The following TGFBR3L variants were observed in gnomAD, a reference collection of about 807,000 sequenced individuals.
TGFBR3L encodes the protein transforming growth factor beta receptor 3 like.
In TGFBR3L, 21 loss-of-function variants were observed where a neutral mutation model predicts 20.4. That is an observed-to-expected ratio of 1.03 (90% CI 0.73 to 1.48). The LOEUF is 1.48. Among genes scored for constraint, TGFBR3L ranks in the 40% most tolerant of loss-of-function variants. TGFBR3L has a pLI of 0.00. For synonymous variants in TGFBR3L, 245 were observed against 244.2 expected, an observed-to-expected ratio of 1.00 and a Z score of -0.03; for missense variants, 479 against 498.0, an observed-to-expected ratio of 0.96 and a Z score of 0.36.
rs1983258103 is a variant in TGFBR3L, at chr19:7,915,848, A to G, written c.-420A>G. ...CAGACATCAGCGTGTGTTTAGGGGCACGAAGAGGGGAGGGGTCCCATGGCT... is the reference window on the plus strand; with the variant it reads ...CAGACATCAGCGTGTGTTTAGGGGCGCGAAGAGGGGAGGGGTCCCATGGCT... On this transcript the variant is annotated 5_prime_UTR_variant, in exon 1 of 6. Transcript: ENST00000565886. Among the ~76,000 whole-genome samples, 1 of 152,196 alleles carries G rather than the reference A, an allele frequency of 6.6e-6. No individual in the cohort carries two copies. Among genetic ancestry groups the G allele is most frequent in the South Asian group, 2.1e-4 (1 of 4,828 alleles).
Position 7,916,345 on chromosome 19 carries a change from C to G in TGFBR3L, c.78C>G (p.Pro26=). The G allele has an allele frequency of 6.5e-7, 1 of 1,535,664 alleles. No individual in the cohort carries two copies. The highest frequency in any genetic ancestry group is 8.7e-7 in the Non-Finnish European group (1 of 1,146,772). ...GGCGAGGTGGTCGGGTCACTTTTCCCGGAGGCCTAAAGGGCAGCGCGCGTT... is the reference window on the plus strand; with the variant it reads ...GGCGAGGTGGTCGGGTCACTTTTCCGGGAGGCCTAAAGGGCAGCGCGCGTT... The change falls in exon 1 of 6, where the codon CCC becomes CCG. Residue 26 remains proline (P), a synonymous_variant. Transcript: ENST00000565886.
chr19:7,917,786 G>T lies in TGFBR3L; in HGVS notation c.810G>T (p.Val270=). 3.5e-6 allele frequency: 5 copies of T among 1,440,110 alleles called. No individual in the cohort carries two copies. Among genetic ancestry groups the T allele is most frequent in the Middle Eastern group, 4.9e-4 (2 of 4,098 alleles). The allele number at this position is 1,440,110 out of a possible 1,614,324, so 89.2% of individuals were successfully genotyped here. A position where few individuals can be genotyped will look rare whatever the true frequency, so the allele number is the denominator to read the frequency against. Residue 270 remains valine, a synonymous_variant, in exon 4 of 6, where the codon GTG becomes GTT. Coordinates refer to ENST00000565886, the MANE Select transcript of TGFBR3L (RefSeq NM_001195259.2). ...CGGCCCTGGAACCCGCGCCGGTGGT[G>T]GCGCTGGTGTTGGCAGCCTTCGTGC... is the stretch of plus-strand genomic sequence containing the variant.
intron 2 of TGFBR3L, 109 bp downstream of exon 3, chr19:7,917,051 G>A: frequency 8.3e-7 from 1 of 1,199,916 alleles, no homozygotes; most frequent in South Asian, 3.3e-5. Flanking sequence ...GGATCTGGGG[G>A]TTGGGGGAGG....
At position 7,916,043 on chromosome 19, in the gene TGFBR3L, G is replaced by A. The variant is rs1983268731; in HGVS notation, c.-225G>A. The A allele has an allele frequency of 3.8e-6, 3 of 783,074 alleles. No individual in the cohort carries two copies. The highest frequency in any genetic ancestry group is 6.1e-5 in the Admixed American group (2 of 32,578). The allele number at this position is 783,074 out of a possible 1,614,324, so 48.5% of individuals were successfully genotyped here. ...GCCGCCTGTCCTGCTGCGTCCCCAA[G>A]AGCAGCCCTGGGGAAGGTGGGGGAG... On this transcript the variant is annotated 5_prime_UTR_variant, in exon 1 of 6. Transcript: ENST00000565886.
rs1323392054 is a variant in TGFBR3L at position 7,915,685 on chromosome 19, C to T, written c.-583C>T. Among the ~76,000 whole-genome samples the T allele has an allele frequency of 6.6e-6, 1 of 152,156 alleles. No homozygotes were observed. The highest frequency in any genetic ancestry group is 2.1e-4 in the South Asian group (1 of 4,828). ...CCCAGGAGGTGGAGGCTGCAGTGAG[C>T]TGTATTCGCACCACTGCACTCCAGC... On this transcript the variant is annotated 5_prime_UTR_variant, in exon 1 of 6. Coordinates refer to ENST00000565886, the MANE Select transcript of TGFBR3L (RefSeq NM_001195259.2).
rs533888067 is a variant in TGFBR3L at position 7,916,933 on chromosome 19, G to A, written c.588G>A (p.Pro196=). The change falls in exon 2 of 6, where the codon CCG becomes CCA. Residue 196 remains proline, a synonymous_variant. Coordinates refer to ENST00000565886, the MANE Select transcript of TGFBR3L (RefSeq NM_001195259.2). ...CTCTGACGCCGCCGCCGCCGCCGCC[G>A]CCATCGCGGGTGCGCGGGCGCAGAG... 4.8e-4 allele frequency: 616 copies of A among 1,289,552 alleles called. No individual in the cohort carries two copies. The highest frequency in any genetic ancestry group is 5.5e-4 in the Non-Finnish European group (568 of 1,026,804). 79.9% of individuals were successfully genotyped at this position (1,289,552 alleles called of 1,614,324 possible).
rs760343302 is a variant in TGFBR3L, at chr19:7,918,174, C to A, written c.*5+45C>A. ...GAGCTGGGTGAGGTAGGAGATCTGA[C>A]AGTGACGCTTCCTAGCGCTTAGTTC... On this transcript the variant is annotated intron_variant, in intron 5 of 5. Transcript: ENST00000565886. 5.3e-6 allele frequency: 8 copies of A among 1,515,772 alleles called. No individual in the cohort carries two copies. The South Asian group carries it at 9.6e-5, about 18-fold the overall frequency. 93.9% of individuals were successfully genotyped at this position (1,515,772 alleles called of 1,614,324 possible).
At position 7,916,765 on chromosome 19, in the gene TGFBR3L, ACCG is replaced by A. The variant is rs771546392; in HGVS notation, c.430_432del (p.Pro144del). ...CCGACACCTCTGTCGCCTTCCCGCC[ACCG>A]CCGCCGCCGAGCCCGGGTGCCGCCC... On this transcript the variant is annotated inframe_deletion, in exon 2 of 6. Transcript: ENST00000565886. 1.4e-5 allele frequency: 21 copies of A among 1,483,918 alleles called. No homozygotes were observed. Among genetic ancestry groups the A allele is most frequent in the Middle Eastern group, 2.4e-4 (1 of 4,248 alleles). The allele number at this position is 1,483,918 out of a possible 1,614,324, so 91.9% of individuals were successfully genotyped here. A position where few individuals can be genotyped will look rare whatever the true frequency, so the allele number is the denominator to read the frequency against.
At position 7,916,541 on chromosome 19, in the gene TGFBR3L, C is replaced by A. The variant is rs968180089; in HGVS notation, c.274C>A (p.Gln92Lys). ...CCCGGCCGACAGCCGCGTGTTCGTG[C>A]AGGTGGGGACCCCGGGGACACCAGG... The change falls in exon 1 of 6, where the codon CAG (glutamine) becomes AAG (lysine). Residue 92 changes from glutamine (Q) to lysine (K), a missense_variant and splice_region_variant. Transcript: ENST00000565886. 2.0e-6 allele frequency: 3 copies of A among 1,486,160 alleles called. No individual in the cohort carries two copies. Among genetic ancestry groups the A allele is most frequent in the Non-Finnish European group, 2.7e-6 (3 of 1,121,570 alleles). The allele number at this position is 1,486,160 out of a possible 1,614,324, so 92.1% of individuals were successfully genotyped here. A position where few individuals can be genotyped will look rare whatever the true frequency, so the allele number is the denominator to read the frequency against.
chr19:7,918,595 G>C (rs1983432534), intron 5 of TGFBR3L: 1 of 296,576 alleles, frequency 3.4e-6, no homozygotes, highest in Non-Finnish European at 6.2e-6. Flanking sequence ...TTAACCTCTA[G>C]GCGGACACTA....
intron 5 of TGFBR3L, chr19:7,918,590 C>A: frequency 3.4e-6 from 1 of 291,564 alleles, no homozygotes; most frequent in Non-Finnish European, 6.3e-6. Flanking sequence ...TCCCCTTAAC[C>A]TCTAGGCGGA....
At chr19:7,918,181 G>A in intron 5 of TGFBR3L, 52 bp downstream of exon 6, 1 of 1,500,036 alleles carries the variant, frequency 6.7e-7, no homozygotes. Flanking sequence ...TGACAGTGAC[G>A]CTTCCTAGCG....
intron 5 of TGFBR3L, 35 bp downstream of exon 6, chr19:7,918,164 G>C (rs1983404532): frequency 6.5e-7 from 1 of 1,529,642 alleles, no homozygotes; most frequent in East Asian, 2.5e-5. Context: ...GGGTGAGGTA[G>C]GAGATCTGAC....
Position 7,916,677 on chromosome 19 carries a change from T to C in TGFBR3L, c.332T>C (p.Val111Ala). 7.0e-7 allele frequency: 1 copy of C among 1,424,498 alleles called. No homozygotes were observed. Among genetic ancestry groups the C allele is most frequent in the Non-Finnish European group, 9.1e-7 (1 of 1,100,346 alleles). 88.2% of individuals were successfully genotyped at this position (1,424,498 alleles called of 1,614,324 possible). Residue 111 changes from valine (V) to alanine (A), a missense_variant, in exon 2 of 6, where the codon GTG (valine) becomes GCG (alanine). Coordinates refer to ENST00000565886, the MANE Select transcript of TGFBR3L (RefSeq NM_001195259.2). ...GGCCTGGCCCTGCACCGCTGCTCAGTGACGCCGTCCTCACGCCCGGCCCCG... is the reference window on the plus strand; with the variant it reads ...GGCCTGGCCCTGCACCGCTGCTCAGCGACGCCGTCCTCACGCCCGGCCCCG...
Position 7,917,523 on chromosome 19 carries a change from G to C in TGFBR3L, c.648G>C (p.Glu216Asp). Residue 216 changes from glutamate to aspartate, a missense_variant, in exon 3 of 6, where the codon GAG (glutamate) becomes GAC (aspartate). Physicochemically the swap from Glu to Asp is conservative, Grantham distance 45. Coordinates refer to ENST00000565886, the MANE Select transcript of TGFBR3L (RefSeq NM_001195259.2). Reference sequence around the variant, plus strand: ...CCGACACTGGCAGTGGCAGCGCCGAGGGCCTGGCTGCTGACGGCCCCCACC... The same window carrying C: ...CCGACACTGGCAGTGGCAGCGCCGACGGCCTGGCTGCTGACGGCCCCCACC... 3 of 1,524,868 alleles carry C rather than the reference G, an allele frequency of 2.0e-6. No homozygotes were observed. The highest frequency in any genetic ancestry group is 2.6e-6 in the Non-Finnish European group (3 of 1,142,362). The allele number at this position is 1,524,868 out of a possible 1,614,324, so 94.5% of individuals were successfully genotyped here.
chr19:7,916,549 G>A lies in TGFBR3L; in HGVS notation c.276+6G>A. On this transcript the variant is annotated splice_donor_region_variant and intron_variant, in intron 1 of 5. Coordinates refer to ENST00000565886, the MANE Select transcript of TGFBR3L (RefSeq NM_001195259.2). Reference sequence around the variant, plus strand: ...ACAGCCGCGTGTTCGTGCAGGTGGGGACCCCGGGGACACCAGGGGCGGATG... The same window carrying A: ...ACAGCCGCGTGTTCGTGCAGGTGGGAACCCCGGGGACACCAGGGGCGGATG... The A allele has an allele frequency of 6.8e-7, 1 of 1,473,388 alleles. No individual in the cohort carries two copies. The highest frequency in any genetic ancestry group is 2.5e-5 in the East Asian group (1 of 39,796). The allele number at this position is 1,473,388 out of a possible 1,614,324, so 91.3% of individuals were successfully genotyped here. A position where few individuals can be genotyped will look rare whatever the true frequency, so the allele number is the denominator to read the frequency against.
rs1270424719 is a variant in TGFBR3L, at chr19:7,918,075, C to T, written c.902C>T (p.Pro301Leu). The T allele has an allele frequency of 1.3e-6, 2 of 1,535,640 alleles. No homozygotes were observed. The highest frequency in any genetic ancestry group is 1.7e-6 in the Non-Finnish European group (2 of 1,146,732). Residue 301 changes from proline (P) to leucine (L), a missense_variant, in exon 5 of 6, where the codon CCG becomes CTG. Coordinates refer to ENST00000565886, the MANE Select transcript of TGFBR3L (RefSeq NM_001195259.2). ...CTTCCAGCGCCCCACGCCCCTGGCC[C>T]GCCCGCGAGAGCCTCGCCCAGCGGT...
In TGFBR3L at chr19:7,916,592, G is replaced by A. The variant is rs1983312453; in HGVS notation, c.277-30G>A. The A allele has an allele frequency of 4.2e-6, 6 of 1,433,562 alleles. No individual in the cohort carries two copies. The Admixed American group carries it at 1.4e-4, about 34-fold the overall frequency. The allele number at this position is 1,433,562 out of a possible 1,614,324, so 88.8% of individuals were successfully genotyped here. Reference sequence around the variant, plus strand: ...GGCGGATGGGGGCCGGTGGGGACGGGCGATCCCTGATGGCGCCTCCGTCCC... The same window carrying A: ...GGCGGATGGGGGCCGGTGGGGACGGACGATCCCTGATGGCGCCTCCGTCCC... On this transcript the variant is annotated intron_variant, in intron 1 of 5. Transcript: ENST00000565886.
Position 7,916,136 on chromosome 19 carries a change from G to A in TGFBR3L, c.-132G>A. Reference sequence around the variant, plus strand: ...ACCGCTTCTCTTCCGCCCCAGGGAGGGCTTCGCCAGCTTCGGAGGCTTCTC... The same window carrying A: ...ACCGCTTCTCTTCCGCCCCAGGGAGAGCTTCGCCAGCTTCGGAGGCTTCTC... On this transcript the variant is annotated 5_prime_UTR_variant, in exon 1 of 6. Coordinates refer to ENST00000565886, the MANE Select transcript of TGFBR3L (RefSeq NM_001195259.2). The A allele has an allele frequency of 1.4e-6, 2 of 1,432,254 alleles. No individual in the cohort carries two copies. The highest frequency in any genetic ancestry group is 1.8e-6 in the Non-Finnish European group (2 of 1,096,784). 88.7% of individuals were successfully genotyped at this position (1,432,254 alleles called of 1,614,324 possible). A position where few individuals can be genotyped will look rare whatever the true frequency, so the allele number is the denominator to read the frequency against.
Sources: allele counts gnomAD v4.1 joint callset (sites outside exome capture counted in the v4.1 genomes callset), GRCh38; gene constraint gnomAD v4.1.1; transcripts MANE v1.5; gene names NCBI Gene and HGNC (gene_info 2026-07-23, HGNC 2026-07-21).